DDX1: variants seen among roughly 807,000 people sequenced by gnomAD.
DDX1 encodes the protein DEAD-box helicase 1.
In DDX1, 28 loss-of-function variants were observed where a neutral mutation model predicts 108.7. The observed-to-expected ratio is 0.26, with a 90% confidence interval of 0.19 to 0.35. The LOEUF (loss-of-function observed/expected upper bound fraction) is 0.35, where lower values mean the gene tolerates loss of function less well. DDX1 is among the 10% of genes least tolerant of loss of function. The pLI, the probability that DDX1 is intolerant of heterozygous loss-of-function variation, is 1.00. For synonymous variants in DDX1, 295 were observed against 288.9 expected (o/e 1.02, Z -0.21); for missense variants, 710 against 884.5 (o/e 0.80, Z 2.50).
In DDX1 at chr2:15,617,370, A is replaced by T; in HGVS notation, c.1116+28A>T. ...ATGTTGAAATATAATCATACTTTTT[A>T]AAAAGTTTACTTATATTTTTTGAGA... On this transcript the variant is annotated intron_variant, in intron 15 of 25. Coordinates refer to ENST00000233084, the MANE Select transcript of DDX1 (RefSeq NM_004939.3). 4 of 1,391,876 alleles carry T rather than the reference A, an allele frequency of 2.9e-6. No homozygotes were observed. The South Asian group carries it at 5.5e-5, about 19-fold the overall frequency. The allele number at this position is 1,391,876 out of a possible 1,614,324, so 86.2% of individuals were successfully genotyped here. A position where few individuals can be genotyped will look rare whatever the true frequency, so the allele number is the denominator to read the frequency against.
In DDX1 at chr2:15,602,529, GTT is replaced by G; in HGVS notation, c.308-16_308-15del. 6.2e-7 allele frequency: 1 copy of G among 1,602,292 alleles called. No homozygotes were observed. Among genetic ancestry groups the G allele is most frequent in the Non-Finnish European group, 8.6e-7 (1 of 1,169,340 alleles). On this transcript the variant is annotated splice_polypyrimidine_tract_variant and intron_variant, in intron 6 of 25. Coordinates refer to ENST00000233084, the MANE Select transcript of DDX1 (RefSeq NM_004939.3). ...AACCTGTACTGACGTGTTTTTCTGTGTTTTCTTCTCAAATCCAGCAATTGGGT... is the reference window on the plus strand; with the variant it reads ...AACCTGTACTGACGTGTTTTTCTGTGTTCTTCTCAAATCCAGCAATTGGGT...
At position 15,630,099 on chromosome 2, in the gene DDX1, G is replaced by A. The variant is rs1334709422; in HGVS notation, c.2081G>A (p.Arg694Lys). The A allele has an allele frequency of 1.2e-6, 2 of 1,613,018 alleles. No individual in the cohort carries two copies. The highest frequency in any genetic ancestry group is 2.7e-5 in the African/African-American group (2 of 74,868). ...GGGAAAGTTACCTACGGTCAGAAAA[G>A]GGCTGCTGGTGGTAAGCTTTGAATT... ...FDGKVTYGQK[R>K]AAGGGSYKGH... Residue 694 changes from arginine to lysine, a missense_variant, in exon 25 of 26, where the codon AGG (arginine) becomes AAG (lysine). By Grantham distance (26) the Arg-to-Lys change is conservative. This residue lies in a region of DDX1 where 661 missense variants were observed against 810.2 expected (regional missense o/e 0.82). Transcript: ENST00000233084.
chr2:15,597,362 G>A lies in DDX1; in HGVS notation c.163-13G>A, dbSNP rs1288608856. The A allele has an allele frequency of 2.6e-6, 4 of 1,536,710 alleles. No individual in the cohort carries two copies. Among genetic ancestry groups the A allele is most frequent in the African/African-American group, 1.4e-5 (1 of 71,874 alleles). Reference sequence around the variant, plus strand: ...GTGAATACTAATATAGATACCTTTTGTTTCTTTGATAGGCTTTTAGTATTC... The same window carrying A: ...GTGAATACTAATATAGATACCTTTTATTTCTTTGATAGGCTTTTAGTATTC... On this transcript the variant is annotated splice_polypyrimidine_tract_variant and intron_variant, in intron 4 of 25. Transcript: ENST00000233084.
chr2:15,628,890 A>T, intron 23 of DDX1, 51 bp downstream of exon 23: 1 of 1,536,064 alleles, frequency 6.5e-7, no homozygotes, highest in Non-Finnish European at 9.0e-7. Context: ...GTGATTTTAG[A>T]TGTTGGAAAT....
Position 15,617,321 on chromosome 2 carries a change from A to G in DDX1, c.1095A>G (p.Arg365=). The G allele has an allele frequency of 1.3e-6, 2 of 1,596,402 alleles. No individual in the cohort carries two copies. Among genetic ancestry groups the G allele is most frequent in the South Asian group, 2.3e-5 (2 of 88,268 alleles). Residue 365 remains arginine, a synonymous_variant, in exon 15 of 26, where the codon AGA becomes AGG. Coordinates refer to ENST00000233084, the MANE Select transcript of DDX1 (RefSeq NM_004939.3). ...GAAAGCTGAACTTATCTCAAGTTAG[A>G]TTCCTGGTCCTGGATGAAGCTGTAT... ...STGKLNLSQV[R]FLVLDEADGL...
Position 15,603,810 on chromosome 2 carries a change from C to A in DDX1, c.476-4C>A. 6.3e-7 allele frequency: 1 copy of A among 1,586,974 alleles called. No individual in the cohort carries two copies. Among genetic ancestry groups the A allele is most frequent in the Non-Finnish European group, 8.6e-7 (1 of 1,163,996 alleles). ...CAGAAAAGTAAAATATTTTTTAAAT[C>A]TAGGTACTGACAAGTTTGGATTTGG... On this transcript the variant is annotated splice_region_variant and splice_polypyrimidine_tract_variant and intron_variant, in intron 8 of 25. Coordinates refer to ENST00000233084, the MANE Select transcript of DDX1 (RefSeq NM_004939.3).
At chr2:15,609,515 T>C (rs1292314513) in intron 13 of DDX1, among the ~76,000 whole-genome samples, 2 of 152,260 alleles carry the variant, frequency 1.3e-5, no homozygotes, top group African/African-American at 4.8e-5. Context: ...TCTTAATTTT[T>C]ATTTCCTTTT....
At chr2:15,595,395 C>G (rs538921744) in intron 2 of DDX1, 95 bp from the exon 3 acceptor site, 1 of 1,053,060 alleles carries the variant, frequency 9.5e-7, no homozygotes, top group Non-Finnish European at 1.5e-6. Flanking sequence ...GTATTTACCA[C>G]GTAAAATTTT....
At chr2:15,592,427 C>T (rs1264605146) in intron 1 of DDX1, among the ~76,000 whole-genome samples, 1 of 152,134 alleles carries the variant, frequency 6.6e-6, no homozygotes, top group African/African-American at 2.4e-5. Context: ...TTTTTTCAGG[C>T]CCTTCCAAAA....
At chr2:15,611,346 C>G (rs1665750321) in intron 13 of DDX1, among the ~76,000 whole-genome samples, 1 of 151,768 alleles carries the variant, frequency 6.6e-6, no homozygotes, top group African/African-American at 2.4e-5. Context: ...TCCCCACTTT[C>G]TACTCCACAA....
intron 2 of DDX1, 24 bp downstream of exon 2, chr2:15,595,220 A>C (rs1665479215): frequency 5.1e-6 from 8 of 1,560,240 alleles, no homozygotes; most frequent in Non-Finnish European, 7.0e-6. Flanking sequence ...GCCTAAATGT[A>C]CCTGGGAGAG....
intron 18 of DDX1, among the ~76,000 whole-genome samples, chr2:15,623,229 C>A (rs1666039873): frequency 6.6e-6 from 1 of 152,172 alleles, no homozygotes; most frequent in Non-Finnish European, 1.5e-5. Flanking sequence ...AAAATATTAA[C>A]AGAAACAAAA....
chr2:15,620,891 T>C lies in DDX1; in HGVS notation c.1396-174T>C, dbSNP rs2302936. On this transcript the variant is annotated intron_variant, in intron 17 of 25. Transcript: ENST00000233084. ...AAAGTGGTCTTAGACCTATAGTTAA[T>C]GAAAGGTTTTTCTGAATCTGAAGAA... Among the ~76,000 whole-genome samples, 2,503 of 152,302 alleles carry C rather than the reference T, an allele frequency of 0.016. 122 individuals carry two copies. The East Asian group carries it at 0.22, about 14-fold the overall frequency.
chr2:15,611,366 T>C (rs1426256635), intron 13 of DDX1, among the ~76,000 whole-genome samples: 1 of 151,394 alleles, frequency 6.6e-6, no homozygotes, highest in Non-Finnish European at 1.5e-5. Flanking sequence ...AAACCGCCAT[T>C]GTCATCATGG....
intron 16 of DDX1, among the ~76,000 whole-genome samples, chr2:15,619,064 C>T (rs1480815419): frequency 6.6e-6 from 1 of 152,200 alleles, no homozygotes; most frequent in East Asian, 1.9e-4. Flanking sequence ...ACTTGGGCAG[C>T]TGCAGCCATG....
chr2:15,595,325 A>G, intron 2 of DDX1, 129 bp downstream of exon 2: 1 of 947,564 alleles, frequency 1.1e-6, no homozygotes, highest in Non-Finnish European at 1.6e-6. Flanking sequence ...GTGATTTTCT[A>G]AATTATGGAA....
intron 13 of DDX1, among the ~76,000 whole-genome samples, chr2:15,611,135 C>T (rs1665745926): frequency 6.7e-6 from 1 of 149,278 alleles, no homozygotes; most frequent in African/African-American, 2.5e-5. Context: ...GCACATCTTG[C>T]ACCGCCCTTA....
intron 20 of DDX1, among the ~76,000 whole-genome samples, chr2:15,627,890 G>A (rs1666127707): frequency 6.6e-6 from 1 of 152,102 alleles, no homozygotes; most frequent in South Asian, 2.1e-4. Flanking sequence ...TGGACCATAA[G>A]TCAGTATACC....
chr2:15,628,955 A>C, intron 23 of DDX1, 116 bp downstream of exon 23: 2 of 946,368 alleles, frequency 2.1e-6, no homozygotes, highest in Non-Finnish European at 3.3e-6. Flanking sequence ...TGGAATACAA[A>C]TGAACTTTTT....
Sources: allele counts gnomAD v4.1 joint callset (sites outside exome capture counted in the v4.1 genomes callset), GRCh38; gene constraint gnomAD v4.1.1; regional missense constraint gnomAD v4.1.1; transcripts MANE v1.5; gene names NCBI Gene and HGNC (gene_info 2026-07-23, HGNC 2026-07-21).